The following TRPM2 variants were observed in gnomAD, a reference collection of about 807,000 sequenced individuals.
TRPM2 encodes the protein estrogen-responsive element-associated gene 1 protein.
TRPM2 carries 161 observed loss-of-function variants against 174.0 expected under a neutral mutation model. The observed-to-expected ratio is 0.93, with a 90% CI of 0.81 to 1.05. The LOEUF (loss-of-function observed/expected upper bound fraction) is 1.05. Ranked by LOEUF, TRPM2 falls within the 50% of genes least tolerant of loss-of-function variation. The pLI, the probability that TRPM2 is intolerant of heterozygous loss-of-function variation, is 0.00. For missense variants in TRPM2, 2,057 were observed against 2,038.0 expected (o/e 1.01, Z -0.18); for synonymous variants, 954 against 861.3 (o/e 1.11, Z -1.88).
rs1050499869 is a variant in TRPM2, at chr21:44,354,296, G to A, written c.166-352G>A. On this transcript the variant is annotated intron_variant, in intron 1 of 31. Transcript: ENST00000397928. This position sits in a 1 kb window ranked among gnomAD's most constrained non-coding sequence, Gnocchi z 4.3. ...CCCTTGCCAGGCAGGCAGGAGGGTG[G>A]CTGCCCTTTTTCCGATGGTGCAAGA... is the stretch of plus-strand genomic sequence containing the variant. Among the ~76,000 whole-genome samples the A allele has an allele frequency of 2.0e-5, 3 of 152,178 alleles. No individual in the cohort carries two copies. The highest frequency in any genetic ancestry group is 2.9e-5 in the Non-Finnish European group (2 of 68,036).
intron 9 of TRPM2, among the ~76,000 whole-genome samples, chr21:44,388,088 A>G (rs1250425600): frequency 6.6e-6 from 1 of 152,230 alleles, no homozygotes; most frequent in Non-Finnish European, 1.5e-5. Context: ...AGGGTCTGGA[A>G]GAGATATGTG....
rs548793509 is a variant in TRPM2, at chr21:44,367,502, A to C, written c.604+568A>C. Reference sequence around the variant, plus strand: ...CAAGGTTGCACCACTGGTGAGAGCCAGGCAGGGACCCAGTCCTGGTGGATG... The same window carrying C: ...CAAGGTTGCACCACTGGTGAGAGCCCGGCAGGGACCCAGTCCTGGTGGATG... On this transcript the variant is annotated intron_variant, in intron 4 of 31. Coordinates refer to ENST00000397928, the MANE Select transcript of TRPM2 (RefSeq NM_003307.4). This position sits in a 1 kb window ranked among gnomAD's most constrained non-coding sequence, Gnocchi z 4.6. Among the ~76,000 whole-genome samples, 2 of 152,354 alleles carry C rather than the reference A, an allele frequency of 1.3e-5. No individual in the cohort carries two copies. Among genetic ancestry groups the C allele is most frequent in the East Asian group, 3.9e-4 (2 of 5,186 alleles).
rs79768289 is a variant in TRPM2 at position 44,407,733 on chromosome 21, G to A, written c.2962+968G>A. 4.4e-4 allele frequency among the ~76,000 whole-genome samples: 67 copies of A among 151,588 alleles called. 1 individual carries two copies. The East Asian group carries it at 0.012, about 27-fold the overall frequency. ...TCTGACTTCTTTCACTTGATGTCCC[G>A]TTTTCAAGGTTTGTCACCGTGTATC... On this transcript the variant is annotated intron_variant, in intron 19 of 31. Transcript: ENST00000397928.
rs1263353021 is a variant in TRPM2, at chr21:44,437,045, G to A, written c.4062-17G>A. 1 of 1,548,520 alleles carries A rather than the reference G, an allele frequency of 6.5e-7. No homozygotes were observed. Among genetic ancestry groups the A allele is most frequent in the African/African-American group, 1.4e-5 (1 of 73,134 alleles). The stretch of plus-strand genomic sequence containing the variant: ...GCCGCAGCGGGTCCTGGGCAGCCAT[G>A]GCCGCTCTCTCCGCAGGTGGAGGCG... On this transcript the variant is annotated splice_polypyrimidine_tract_variant and intron_variant, in intron 28 of 31. Transcript: ENST00000397928.
intron 2 of TRPM2, among the ~76,000 whole-genome samples, chr21:44,360,294 G>A (rs982267003): frequency 6.6e-6 from 1 of 152,194 alleles, no homozygotes; most frequent in Non-Finnish European, 1.5e-5. Flanking sequence ...AGCAGGTCCT[G>A]AAGGCTGGCG....
intron 15 of TRPM2, 54 bp from the exon 16 acceptor site, chr21:44,401,627 G>A (rs1457715932): frequency 6.3e-7 from 1 of 1,587,080 alleles, no homozygotes; most frequent in Non-Finnish European, 8.6e-7. Flanking sequence ...GCCTGTGGAG[G>A]TCAGGACCCT....
At chr21:44,419,171 G>A (rs371061124) in intron 22 of TRPM2, among the ~76,000 whole-genome samples, 134 of 152,292 alleles carry the variant, frequency 8.8e-4, no homozygotes, top group Non-Finnish European at 1.4e-3. Context: ...CTCAGTGTGC[G>A]TCTCACCATG....
In TRPM2 at chr21:44,439,451, C is replaced by A. The variant is rs574135257; in HGVS notation, c.4269+283C>A. On this transcript the variant is annotated intron_variant, in intron 30 of 31. Coordinates refer to ENST00000397928, the MANE Select transcript of TRPM2 (RefSeq NM_003307.4). This position sits in a 1 kb window ranked among gnomAD's most constrained non-coding sequence, Gnocchi z 5.1. The stretch of plus-strand genomic sequence containing the variant: ...ATGGGCTGAGGACCCTTGCTGCCTT[C>A]GAGTGTGACAGCTGCTTGGAGGCCT... Among the ~76,000 whole-genome samples, 2 of 152,140 alleles carry A rather than the reference C, an allele frequency of 1.3e-5. No individual in the cohort carries two copies. The highest frequency in any genetic ancestry group is 4.8e-5 in the African/African-American group (2 of 41,422).
chr21:44,425,087 C>T (rs2050705209), intron 24 of TRPM2, 148 bp downstream of exon 24: 3 of 715,552 alleles, frequency 4.2e-6, no homozygotes, highest in Non-Finnish European at 4.5e-6. Flanking sequence ...GGGCCAGCGC[C>T]CTCAGGAACT....
intron 9 of TRPM2, among the ~76,000 whole-genome samples, chr21:44,390,693 A>T (rs2049145920): frequency 6.6e-6 from 1 of 152,160 alleles, no homozygotes; most frequent in African/African-American, 2.4e-5. Flanking sequence ...TGATGACCAA[A>T]GCCCCAAGAT....
At chr21:44,392,942 G>A (rs1405582815) in intron 11 of TRPM2, among the ~76,000 whole-genome samples, 1 of 152,000 alleles carries the variant, frequency 6.6e-6, no homozygotes, top group Non-Finnish European at 1.5e-5. Flanking sequence ...TGATTCAATG[G>A]GAGCCCTGCT....
At chr21:44,433,587 A>T (rs73907188) in intron 27 of TRPM2, among the ~76,000 whole-genome samples, 21,717 of 152,150 alleles carry the variant, frequency 0.14, 2,301 homozygotes, top group African/African-American at 0.3. Flanking sequence ...CCTCGCAGGA[A>T]CCCTGACTGA....
Position 44,426,655 on chromosome 21 carries a change from G to A in TRPM2, c.3796-5G>A, listed in dbSNP as rs1414437405. Reference sequence around the variant, plus strand: ...TCTGAGGGAAAACTCCCTGTTTTGCGACAGACGGAGTTCCTGATCTATGAC... The same window carrying A: ...TCTGAGGGAAAACTCCCTGTTTTGCAACAGACGGAGTTCCTGATCTATGAC... On this transcript the variant is annotated splice_region_variant and splice_polypyrimidine_tract_variant and intron_variant, in intron 25 of 31. Coordinates refer to ENST00000397928, the MANE Select transcript of TRPM2 (RefSeq NM_003307.4). 15 of 1,614,044 alleles carry A rather than the reference G, an allele frequency of 9.3e-6. No individual in the cohort carries two copies. Among genetic ancestry groups the A allele is most frequent in the African/African-American group, 2.7e-5 (2 of 74,952 alleles).
chr21:44,419,832 G>GGTA (rs2050477405), intron 22 of TRPM2, among the ~76,000 whole-genome samples: 1 of 151,216 alleles, frequency 6.6e-6, no homozygotes, highest in African/African-American at 2.4e-5. Context: ...TGGTGGTGAT[G>GGTA]GTGGTGATGG....
intron 16 of TRPM2, among the ~76,000 whole-genome samples, chr21:44,403,652 TGC>T (rs1428682311): frequency 6.7e-6 from 1 of 149,308 alleles, no homozygotes; most frequent in Non-Finnish European, 1.5e-5. Flanking sequence ...CATGCACACA[TGC>T]ACACACATGC....
chr21:44,361,014 C>T (rs546930346), intron 2 of TRPM2, among the ~76,000 whole-genome samples: 37 of 152,292 alleles, frequency 2.4e-4, no homozygotes, highest in African/African-American at 7.7e-4. Flanking sequence ...AACCACCAGT[C>T]TTTCTTCATG....
chr21:44,356,119 T>A lies in TRPM2; in HGVS notation c.254+1383T>A, dbSNP rs369036796. Among the ~76,000 whole-genome samples the A allele has an allele frequency of 4.3e-3, 538 of 126,336 alleles. 3 individuals carry two copies. The highest frequency in any genetic ancestry group is 0.015 in the African/African-American group (520 of 35,336). The allele number at this position is 126,336 out of a possible 152,430, so 82.9% of individuals were successfully genotyped here. A position where few individuals can be genotyped will look rare whatever the true frequency, so the allele number is the denominator to read the frequency against. ...CAGCACTTTGGGAGGCCGAGGCAGG[T>A]GATCCACCCGCCTCGGCCTCCCAAA... On this transcript the variant is annotated intron_variant, in intron 2 of 31. Transcript: ENST00000397928.
In TRPM2 at chr21:44,435,114, A is replaced by G; in HGVS notation, c.3975-17A>G. ...CATTGGTGGACGGTGGACTGACTCA[A>G]CCCCTCTGCATCCCAGGAACCCCAT... On this transcript the variant is annotated splice_polypyrimidine_tract_variant and intron_variant, in intron 27 of 31. Coordinates refer to ENST00000397928, the MANE Select transcript of TRPM2 (RefSeq NM_003307.4). 6.2e-7 allele frequency: 1 copy of G among 1,609,312 alleles called. No individual in the cohort carries two copies. Among genetic ancestry groups the G allele is most frequent in the Non-Finnish European group, 8.5e-7 (1 of 1,176,784 alleles).
Position 44,414,003 on chromosome 21 carries a change from G to T in TRPM2, c.3075G>T (p.Thr1025=). ...GGCCGGCCTTCCCTGAGTGGCTGACGGTCCTCCTACTCTGCCTCTACCTGC... is the reference window on the plus strand; with the variant it reads ...GGCCGGCCTTCCCTGAGTGGCTGACTGTCCTCCTACTCTGCCTCTACCTGC... The part of the protein sequence containing the change: ...QQRPAFPEWL[T]VLLLCLYLLF... Residue 1025 remains threonine (T), a synonymous_variant, in exon 20 of 32, where the codon ACG becomes ACT. Transcript: ENST00000397928. 6.2e-7 allele frequency: 1 copy of T among 1,613,772 alleles called. No individual in the cohort carries two copies. The highest frequency in any genetic ancestry group is 8.5e-7 in the Non-Finnish European group (1 of 1,179,984).
Sources: allele counts gnomAD v4.1 joint callset (sites outside exome capture counted in the v4.1 genomes callset), GRCh38; gene constraint gnomAD v4.1.1; non-coding constraint Gnocchi (gnomAD v3.1); transcripts MANE v1.5; gene names NCBI Gene and HGNC (gene_info 2026-07-23, HGNC 2026-07-21).